DIAPH2: variants seen among roughly 807,000 people sequenced by gnomAD.
DIAPH2 encodes the protein protein diaphanous homolog 2.
Under a neutral mutation model 92.7 loss-of-function variants are expected in DIAPH2, and 35 were observed. The ratio of observed to expected loss-of-function variants is 0.38; its 90% CI spans 0.29 to 0.50. The LOEUF (loss-of-function observed/expected upper bound fraction) is 0.50, where lower values mean the gene tolerates loss of function less well. Among genes scored for constraint, DIAPH2 ranks in the 20% least tolerant of loss-of-function variants. The pLI is 0.94. For missense variants in DIAPH2, 701 were observed against 819.5 expected, an observed-to-expected ratio of 0.86 and a Z score of 1.77; for synonymous variants, 301 against 280.4, an observed-to-expected ratio of 1.07 and a Z score of -0.73.
At chrX:97,454,606 A>G (rs1221712046) in intron 26 of DIAPH2, among the ~76,000 whole-genome samples, 1 of 111,432 alleles carries the variant, frequency 9.0e-6, no homozygotes, top group Non-Finnish European at 1.9e-5. Flanking sequence ...CTGTAATCCC[A>G]GCACTTTGGG....
intron 22 of DIAPH2, among the ~76,000 whole-genome samples, chrX:97,170,940 G>A (rs1234806932): frequency 9.1e-6 from 1 of 109,744 alleles, no homozygotes; most frequent in Admixed American, 9.8e-5. Flanking sequence ...GCAGTGGTGC[G>A]ATCTTAGCTC....
intron 22 of DIAPH2, among the ~76,000 whole-genome samples, chrX:97,178,470 T>TTTTG (rs1256627178): frequency 1.1e-5 from 1 of 92,656 alleles, no homozygotes; most frequent in African/African-American, 4.0e-5. Flanking sequence ...TTTTTTTTTT[T>TTTTG]GAGACAGAGT....
intron 23 of DIAPH2, among the ~76,000 whole-genome samples, chrX:97,266,552 C>A (rs774304204): frequency 1.8e-5 from 2 of 111,507 alleles, no homozygotes; most frequent in South Asian, 3.8e-4. Context: ...TCAAATGATT[C>A]TTTGGTGCTT....
intron 4 of DIAPH2, among the ~76,000 whole-genome samples, chrX:96,831,526 C>A (rs1215434594): frequency 1.8e-5 from 2 of 111,973 alleles, no homozygotes; most frequent in African/African-American, 6.5e-5. Flanking sequence ...AAGAATAGAA[C>A]CTACCTCACA....
chrX:97,347,834 A>T (rs1031124944), intron 23 of DIAPH2, among the ~76,000 whole-genome samples: 1 of 111,312 alleles, frequency 9.0e-6, no homozygotes, highest in East Asian at 2.8e-4. Flanking sequence ...AGCGATTAGG[A>T]TACAGACAGG....
chrX:97,471,358 G>A lies in DIAPH2; in HGVS notation c.3241+41613G>A, dbSNP rs151293801. On this transcript the variant is annotated intron_variant, in intron 26 of 26. Transcript: ENST00000324765. Reference sequence around the variant, plus strand: ...AATGACATCTTTGTGCCTGTTGTTCGGGGTCATTGCCTAAAAAAGTTGAGT... The same window carrying A: ...AATGACATCTTTGTGCCTGTTGTTCAGGGTCATTGCCTAAAAAAGTTGAGT... Among the ~76,000 whole-genome samples the A allele has an allele frequency of 2.9e-3, 324 of 111,375 alleles. 1 individual carries two copies. Among genetic ancestry groups the A allele is most frequent in the Middle Eastern group, 0.023 (5 of 218 alleles).
At position 97,075,272 on chromosome X, in the gene DIAPH2, T is replaced by G. The variant is rs1233451469; in HGVS notation, c.2247+11T>G. 1 of 1,100,104 alleles carries G rather than the reference T, an allele frequency of 9.1e-7. No individual in the cohort carries two copies. The highest frequency in any genetic ancestry group is 1.2e-6 in the Non-Finnish European group (1 of 815,824). 90.7% of individuals were successfully genotyped at this position (1,100,104 alleles called of 1,213,427 possible). A position where few individuals can be genotyped will look rare whatever the true frequency, so the allele number is the denominator to read the frequency against. On this transcript the variant is annotated intron_variant, in intron 19 of 26. Transcript: ENST00000324765. ...GAGGCTTTAATTCAGGTAACTTGGATATTTTCCTTTTGAAATTCATTTTCA... is the reference window on the plus strand; with the variant it reads ...GAGGCTTTAATTCAGGTAACTTGGAGATTTTCCTTTTGAAATTCATTTTCA...
Position 97,600,730 on chromosome X carries a change from A to ATAT in DIAPH2, c.*1415_*1417dup, listed in dbSNP as rs1439206038. ...TTATTGTAAGAAATTTCTTACATGT[A>ATAT]TATTTCTTATGTAGAAAATACTGTT... On this transcript the variant is annotated 3_prime_UTR_variant, in exon 27 of 27. Transcript: ENST00000324765. 2.1e-5 allele frequency: 2 copies of ATAT among 95,699 alleles called. No individual in the cohort carries two copies. The highest frequency in any genetic ancestry group is 8.0e-5 in the African/African-American group (2 of 25,079). The allele number at this position is 95,699 out of a possible 1,213,427, so 7.9% of individuals were successfully genotyped here.
intron 1 of DIAPH2, among the ~76,000 whole-genome samples, chrX:96,733,201 AATG>A (rs2064066303): frequency 8.9e-6 from 1 of 112,004 alleles, no homozygotes; most frequent in Non-Finnish European, 1.9e-5. Context: ...AGACCAAGAT[AATG>A]ATAATTAAGT....
intron 1 of DIAPH2, among the ~76,000 whole-genome samples, chrX:96,687,233 G>A (rs1039781428): frequency 9.0e-6 from 1 of 111,491 alleles, no homozygotes. Context: ...TGACCACACA[G>A]GTGATTGATA....
At chrX:97,311,994 GT>G (rs2068798425) in intron 23 of DIAPH2, among the ~76,000 whole-genome samples, 1 of 109,108 alleles carries the variant, frequency 9.2e-6, no homozygotes. Flanking sequence ...AGCCCGGCTA[GT>G]TTTTTGTGTT....
chrX:97,517,968 T>C (rs146609573), intron 26 of DIAPH2, among the ~76,000 whole-genome samples: 1,574 of 112,373 alleles, frequency 0.014, 12 homozygotes, highest in Non-Finnish European at 0.021. Flanking sequence ...AGTAGAACTC[T>C]GTGGAGATAT....
chrX:96,980,267 T>C (rs2065986860), intron 17 of DIAPH2, among the ~76,000 whole-genome samples: 1 of 111,384 alleles, frequency 9.0e-6, no homozygotes, highest in Non-Finnish European at 1.9e-5. Flanking sequence ...GAAGTGGCTC[T>C]TAGCCGGAAG....
intron 23 of DIAPH2, among the ~76,000 whole-genome samples, chrX:97,268,636 C>T (rs762549087): frequency 8.9e-5 from 10 of 111,860 alleles, no homozygotes; most frequent in Non-Finnish European, 1.9e-4. Flanking sequence ...TCATTTGCCA[C>T]ATCTTGCTCA....
intron 3 of DIAPH2, among the ~76,000 whole-genome samples, chrX:96,745,562 A>T (rs1293554235): frequency 8.9e-6 from 1 of 112,367 alleles, no homozygotes; most frequent in Non-Finnish European, 1.9e-5. Context: ...ATAGGCTTGT[A>T]GATGTAGATA....
rs763086019 is a variant in DIAPH2, at chrX:96,884,937, T to C, written c.587+3219T>C. The C allele has an allele frequency of 5.8e-6, 7 of 1,211,396 alleles. 2 individuals carry two copies. The South Asian group carries it at 1.2e-4, about 21-fold the overall frequency. On this transcript the variant is annotated intron_variant, in intron 5 of 26. Coordinates refer to ENST00000324765, the MANE Select transcript of DIAPH2 (RefSeq NM_006729.5). ...TCCAGGACGAAGTGCTGCGTTTGAT[T>C]CATGAGTGTCCTCATCAGGAAGGGA...
chrX:96,751,875 G>A lies in DIAPH2; in HGVS notation c.343-6279G>A, dbSNP rs1484599565. Among the ~76,000 whole-genome samples the A allele has an allele frequency of 2.1e-5, 2 of 96,224 alleles. 1 individual carries two copies. The highest frequency in any genetic ancestry group is 2.2e-4 in the Admixed American group (2 of 9,000). The allele number at this position is 96,224 out of a possible 115,157, so 83.6% of individuals were successfully genotyped here. A position where few individuals can be genotyped will look rare whatever the true frequency, so the allele number is the denominator to read the frequency against. ...TCACCGTTTTAGCCGGGATGGTCTCGATCTCCTGACCTCGTGATCCGCCCG... is the reference window on the plus strand; with the variant it reads ...TCACCGTTTTAGCCGGGATGGTCTCAATCTCCTGACCTCGTGATCCGCCCG... On this transcript the variant is annotated intron_variant, in intron 3 of 26. Coordinates refer to ENST00000324765, the MANE Select transcript of DIAPH2 (RefSeq NM_006729.5).
At position 97,067,808 on chromosome X, in the gene DIAPH2, T is replaced by C. The variant is rs917432089; in HGVS notation, c.2051-5133T>C. On this transcript the variant is annotated intron_variant, in intron 17 of 26. Coordinates refer to ENST00000324765, the MANE Select transcript of DIAPH2 (RefSeq NM_006729.5). ...TAATACAATCACTGTAAATGCTGTG[T>C]GATATTACATTGTATTAATATGCCA... Among the ~76,000 whole-genome samples the C allele has an allele frequency of 4.5e-5, 5 of 111,786 alleles. No individual in the cohort carries two copies. In the Admixed American group the frequency reaches 4.8e-4, roughly 11 times the overall value.
In DIAPH2 at chrX:96,733,116, G is replaced by A. The variant is rs150048030; in HGVS notation, c.133-2642G>A. 8.4e-3 allele frequency among the ~76,000 whole-genome samples: 944 copies of A among 111,771 alleles called. 8 individuals are homozygous for A. The highest frequency in any genetic ancestry group is 0.028 in the African/African-American group (873 of 30,783). ...CAATGTGCCAAACACTGCTTTAGGC[G>A]TTAGGGTTACATCCCTAAACCAGAT... On this transcript the variant is annotated intron_variant, in intron 1 of 26. Coordinates refer to ENST00000324765, the MANE Select transcript of DIAPH2 (RefSeq NM_006729.5).
Sources: allele counts gnomAD v4.1 joint callset (sites outside exome capture counted in the v4.1 genomes callset), GRCh38; gene constraint gnomAD v4.1.1; transcripts MANE v1.5; gene names NCBI Gene and HGNC (gene_info 2026-07-23, HGNC 2026-07-21).